Variants in SCN9A observed in about 807,000 individuals in gnomAD.
SCN9A encodes sodium voltage-gated channel alpha subunit 9.
Under a neutral mutation model 187.0 loss-of-function variants are expected in SCN9A, and 131 were observed. The ratio of observed to expected loss-of-function variants is 0.70; its 90% confidence interval spans 0.61 to 0.81. The LOEUF is 0.81. Ranked by LOEUF, SCN9A falls within the 30% of genes least tolerant of loss-of-function variation. The pLI, the probability that SCN9A is intolerant of heterozygous loss-of-function variation, is 0.00. For missense variants in SCN9A, 2,252 were observed against 2,396.6 expected, an observed-to-expected ratio of 0.94 and a Z score of 1.26; for synonymous variants, 809 against 808.6, an observed-to-expected ratio of 1.00 and a Z score of -0.01.
chr2:166,374,437 G>A (rs1251707981), intron 1 of SCN9A, among the ~76,000 whole-genome samples: 2 of 151,964 alleles, frequency 1.3e-5, no homozygotes, highest in African/African-American at 4.8e-5. Flanking sequence ...GAAAATTTGC[G>A]ACACAGGGAT....
At chr2:166,340,552 TTCTTTCTTTC>T (rs1699747602) in intron 1 of SCN9A, among the ~76,000 whole-genome samples, 2 of 71,472 alleles carry the variant, frequency 2.8e-5, no homozygotes, top group Non-Finnish European at 2.6e-5. Flanking sequence ...CTTTCTTTCT[TTCTTTCTTTC>T]TTTCTTTCTT....
At chr2:166,270,926 A>T (rs1696953091) in intron 17 of SCN9A, among the ~76,000 whole-genome samples, 1 of 152,096 alleles carries the variant, frequency 6.6e-6, no homozygotes, top group African/African-American at 2.4e-5. Context: ...AAAACAAAAG[A>T]TTATTTTTAA....
chr2:166,244,336 T>C (rs573051734), intron 18 of SCN9A, among the ~76,000 whole-genome samples: 159 of 152,056 alleles, frequency 1.0e-3, no homozygotes, highest in African/African-American at 3.8e-3. Context: ...GAAACAACAA[T>C]ATTAAGGGAG....
At chr2:166,252,378 G>A (rs114536381) in intron 17 of SCN9A, among the ~76,000 whole-genome samples, 9,916 of 151,928 alleles carry the variant, frequency 0.065, 378 homozygotes, top group Non-Finnish European at 0.089. Context: ...AAAAAGATAA[G>A]TGCAAGATAA....
chr2:166,304,164 C>G, intron 6 of SCN9A, 74 bp downstream of exon 6: 3 of 1,611,206 alleles, frequency 1.9e-6, no homozygotes, highest in Non-Finnish European at 2.5e-6. Flanking sequence ...GACACACACA[C>G]AAACGAACAA....
intron 17 of SCN9A, among the ~76,000 whole-genome samples, chr2:166,263,843 C>A (rs999949649): frequency 6.6e-6 from 1 of 151,938 alleles, no homozygotes; most frequent in Non-Finnish European, 1.5e-5. Context: ...GATGCAGCTG[C>A]AAGCTGCAAG....
intron 7 of SCN9A, among the ~76,000 whole-genome samples, chr2:166,295,519 T>C (rs13408332): frequency 0.38 from 57,780 of 151,890 alleles, 11,085 homozygotes; most frequent in Non-Finnish European, 0.4. Flanking sequence ...GTACTCAATA[T>C]TGTAGGCAAC....
intron 24 of SCN9A, among the ~76,000 whole-genome samples, chr2:166,225,064 G>A (rs1694788419): frequency 6.6e-6 from 1 of 151,966 alleles, no homozygotes; most frequent in African/African-American, 2.4e-5. Context: ...TATTAAAAAA[G>A]GTCTAATACG....
At position 166,281,731 on chromosome 2, in the gene SCN9A, G is replaced by A. The variant is rs199668507; in HGVS notation, c.2052C>T (p.Asn684=). 2.2e-5 allele frequency: 35 copies of A among 1,613,146 alleles called. No individual in the cohort carries two copies. The highest frequency in any genetic ancestry group is 2.5e-5 in the Non-Finnish European group (30 of 1,179,502). The change falls in exon 13 of 27, where the codon AAC becomes AAT. Residue 684 remains asparagine, a synonymous_variant. Coordinates refer to ENST00000642356, the MANE Select transcript of SCN9A (RefSeq NM_001365536.1). The part of the protein sequence containing the change: ...LLSEDMLNDP[N]LRQRAMSRAS... Reference sequence around the variant, plus strand: ...CTCTACTCATTGCTCTCTGTCTGAGGTTGGGATCATTCAGCATATCCTCTG... The same window carrying A: ...CTCTACTCATTGCTCTCTGTCTGAGATTGGGATCATTCAGCATATCCTCTG...
At chr2:166,335,610 C>T (rs115495114) in intron 1 of SCN9A, among the ~76,000 whole-genome samples, 5 of 152,044 alleles carry the variant, frequency 3.3e-5, no homozygotes, top group Non-Finnish European at 5.9e-5. Flanking sequence ...GGGTGATGTT[C>T]GGGACTGGGA....
At chr2:166,211,456 A>T (rs2106359492) in intron 24 of SCN9A, among the ~76,000 whole-genome samples, 1 of 152,288 alleles carries the variant, frequency 6.6e-6, no homozygotes, top group Non-Finnish European at 1.5e-5. Flanking sequence ...ATGAAAGCAC[A>T]AATCTCACTA....
intron 9 of SCN9A, among the ~76,000 whole-genome samples, chr2:166,289,874 T>C (rs1041766036): frequency 6.6e-6 from 1 of 152,202 alleles, no homozygotes; most frequent in African/African-American, 2.4e-5. Context: ...TGGTTTTGAA[T>C]TGCATTTCTC....
chr2:166,308,883 G>A lies in SCN9A; in HGVS notation c.259-1809C>T, dbSNP rs566752170. Among the ~76,000 whole-genome samples the A allele has an allele frequency of 6.8e-5, 9 of 131,506 alleles. No homozygotes were observed. In the South Asian group the frequency reaches 1.2e-3, roughly 17 times the overall value. 86.3% of individuals were successfully genotyped at this position (131,506 alleles called of 152,430 possible). A position where few individuals can be genotyped will look rare whatever the true frequency, so the allele number is the denominator to read the frequency against. On this transcript the variant is annotated intron_variant, in intron 2 of 26. Coordinates refer to ENST00000642356, the MANE Select transcript of SCN9A (RefSeq NM_001365536.1). ...GGAGCTTGCAGTGAGCCAAAATCGC[G>A]CCACGGCACTCCAGCCTGGGCAACA...
chr2:166,361,980 G>A (rs1052415126), intron 1 of SCN9A, among the ~76,000 whole-genome samples: 1 of 152,166 alleles, frequency 6.6e-6, no homozygotes, highest in East Asian at 1.9e-4. Flanking sequence ...ATTGTTAAAA[G>A]CCCTTTAATT....
rs1368154662 is a variant in SCN9A, at chr2:166,196,369, AC to A, written c.*2302del. 4 of 152,186 alleles carry A rather than the reference AC, an allele frequency of 2.6e-5. No individual in the cohort carries two copies. Among genetic ancestry groups the A allele is most frequent in the African/African-American group, 4.8e-5 (2 of 41,448 alleles). The allele number at this position is 152,186 out of a possible 1,614,324, so 9.4% of individuals were successfully genotyped here. A position where few individuals can be genotyped will look rare whatever the true frequency, so the allele number is the denominator to read the frequency against. ...CTTAACCATGTTATTTTAAAAAAAA[AC>A]ATAGTTCATGAAATAGGAAAAAGAA... On this transcript the variant is annotated 3_prime_UTR_variant, in exon 27 of 27. Coordinates refer to ENST00000642356, the MANE Select transcript of SCN9A (RefSeq NM_001365536.1).
At chr2:166,264,760 G>A (rs181214005) in intron 17 of SCN9A, among the ~76,000 whole-genome samples, 1 of 152,026 alleles carries the variant, frequency 6.6e-6, no homozygotes, top group African/African-American at 2.4e-5. Flanking sequence ...TGGGTAGGGA[G>A]AAGAGAGGGA....
chr2:166,354,895 G>T (rs1381198497), intron 1 of SCN9A, among the ~76,000 whole-genome samples: 1 of 151,442 alleles, frequency 6.6e-6, no homozygotes, highest in African/African-American at 2.4e-5. Context: ...TTAGAAAACT[G>T]AAAAGCATAG....
chr2:166,250,520 A>G (rs1040381987), intron 18 of SCN9A, among the ~76,000 whole-genome samples: 9 of 152,124 alleles, frequency 5.9e-5, no homozygotes, highest in African/African-American at 1.7e-4. Flanking sequence ...ATAAGTCGGC[A>G]AATTAGAACA....
chr2:166,347,647 TTGC>T (rs1262025378), intron 1 of SCN9A, among the ~76,000 whole-genome samples: 9 of 152,208 alleles, frequency 5.9e-5, no homozygotes, highest in African/African-American at 2.2e-4. Context: ...ACCTGTGGCA[TTGC>T]TGCTACTATT....
Sources: allele counts gnomAD v4.1 joint callset (sites outside exome capture counted in the v4.1 genomes callset), GRCh38; gene constraint gnomAD v4.1.1; transcripts MANE v1.5; gene names NCBI Gene and HGNC (gene_info 2026-07-23, HGNC 2026-07-21).